TMEM51: variants seen among roughly 807,000 people sequenced by gnomAD.
TMEM51 encodes the protein chromosome 1 open reading frame 72.
Under a neutral mutation model 13.6 loss-of-function variants are expected in TMEM51, and 8 were observed. That is an observed-to-expected ratio of 0.59 (90% CI 0.35 to 1.07). The LOEUF (loss-of-function observed/expected upper bound fraction) is 1.07. Ranked by LOEUF, TMEM51 falls within the 50% of genes least tolerant of loss-of-function variation. The pLI, the probability that TMEM51 is intolerant of heterozygous loss-of-function variation, is 0.02. For synonymous variants in TMEM51, 147 were observed against 144.4 expected (o/e 1.02, Z -0.13); for missense variants, 279 against 330.7 (o/e 0.84, Z 1.21).
chr1:15,200,208 G>C (rs571657334), intron 1 of TMEM51, among the ~76,000 whole-genome samples: 1 of 151,920 alleles, frequency 6.6e-6, no homozygotes, highest in African/African-American at 2.4e-5. Context: ...CTGAGCCCAG[G>C]ATTTCAAGAC....
rs1249692417 is a variant in TMEM51, at chr1:15,207,846, C to T, written c.-266-2644C>T. 6.6e-6 allele frequency among the ~76,000 whole-genome samples: 1 copy of T among 152,194 alleles called. No homozygotes were observed. The highest frequency in any genetic ancestry group is 1.9e-4 in the East Asian group (1 of 5,204). Reference sequence around the variant, plus strand: ...TATTCTGCATATTTTCCTCATGTTGCCGGCAAATTATTTGCATACGGATAC... The same window carrying T: ...TATTCTGCATATTTTCCTCATGTTGTCGGCAAATTATTTGCATACGGATAC... On this transcript the variant is annotated intron_variant, in intron 1 of 3. Transcript: ENST00000376008. This position sits in a 1 kb window ranked among gnomAD's most constrained non-coding sequence, Gnocchi z 4.6.
chr1:15,179,462 G>T (rs1643546148), intron 1 of TMEM51, among the ~76,000 whole-genome samples: 1 of 152,164 alleles, frequency 6.6e-6, no homozygotes, highest in Non-Finnish European at 1.5e-5. Flanking sequence ...AAGGCAAACA[G>T]AAGAGCACTT....
intron 1 of TMEM51, among the ~76,000 whole-genome samples, chr1:15,162,444 T>C (rs953430591): frequency 1.3e-5 from 2 of 152,098 alleles, no homozygotes; most frequent in Non-Finnish European, 2.9e-5. Flanking sequence ...ATTACAGGCA[T>C]GGCCACCGCA....
intron 1 of TMEM51, among the ~76,000 whole-genome samples, chr1:15,158,862 A>G (rs1642675238): frequency 6.6e-6 from 1 of 152,216 alleles, no homozygotes; most frequent in South Asian, 2.1e-4. Flanking sequence ...CTGGATTTTT[A>G]AAAGTGAAGT....
At chr1:15,205,857 C>T (rs1025462835) in intron 1 of TMEM51, among the ~76,000 whole-genome samples, 1 of 152,128 alleles carries the variant, frequency 6.6e-6, no homozygotes, top group Non-Finnish European at 1.5e-5. Flanking sequence ...AAAAGTCTGT[C>T]TCATGTATCT....
rs571386384 is a variant in TMEM51 at position 15,204,382 on chromosome 1, C to T, written c.-266-6108C>T. Among the ~76,000 whole-genome samples the T allele has an allele frequency of 6.6e-5, 10 of 152,318 alleles. No homozygotes were observed. The East Asian group carries it at 1.9e-3, about 29-fold the overall frequency. On this transcript the variant is annotated intron_variant, in intron 1 of 3. Coordinates refer to ENST00000376008, the MANE Select transcript of TMEM51 (RefSeq NM_001136218.2). ...TAGCCTGGCCAGCGTGGTGAAACCT[C>T]GTCTCTACTAAAAATACAAAAATTA...
chr1:15,214,966 A>G lies in TMEM51; in HGVS notation c.-122A>G. ...GAACCATCCCGCAGGAGTTCAGCTG[A>G]TATTTTCTAGTGTGGGGCGAGAGAT... On this transcript the variant is annotated 5_prime_UTR_variant, in exon 3 of 4. Coordinates refer to ENST00000376008, the MANE Select transcript of TMEM51 (RefSeq NM_001136218.2). 1 of 968,948 alleles carries G rather than the reference A, an allele frequency of 1.0e-6. No homozygotes were observed. The highest frequency in any genetic ancestry group is 1.7e-5 in the South Asian group (1 of 59,048). The allele number at this position is 968,948 out of a possible 1,614,324, so 60.0% of individuals were successfully genotyped here. A position where few individuals can be genotyped will look rare whatever the true frequency, so the allele number is the denominator to read the frequency against.
At chr1:15,217,277 G>A (rs538924752) in intron 3 of TMEM51, among the ~76,000 whole-genome samples, 42 of 152,254 alleles carry the variant, frequency 2.8e-4, no homozygotes, top group African/African-American at 9.6e-4. Context: ...TAATGACCTG[G>A]AAGTTACCAT....
chr1:15,194,298 T>C (rs1644001312), intron 1 of TMEM51, among the ~76,000 whole-genome samples: 1 of 152,240 alleles, frequency 6.6e-6, no homozygotes, highest in African/African-American at 2.4e-5. Context: ...GAAATTAATA[T>C]AAAAATGTTA....
intron 1 of TMEM51, among the ~76,000 whole-genome samples, chr1:15,156,303 G>C (rs962692532): frequency 1.3e-5 from 2 of 152,126 alleles, no homozygotes; most frequent in African/African-American, 4.8e-5. Flanking sequence ...GGAGCTTCTG[G>C]GGCTCCCGTT....
At chr1:15,178,027 C>T (rs1643502107) in intron 1 of TMEM51, among the ~76,000 whole-genome samples, 1 of 152,222 alleles carries the variant, frequency 6.6e-6, no homozygotes, top group Non-Finnish European at 1.5e-5. Flanking sequence ...AAGGAAGTAA[C>T]ACAGCTGGGA....
At position 15,215,273 on chromosome 1, in the gene TMEM51, C is replaced by T. The variant is rs1644409935; in HGVS notation, c.186C>T (p.Thr62=). ...GTGGCGGCATCCTCAAGAGCAAGAC[C>T]TTCTCTGTGGCCTACGTGCTGGTCG... ...EVGGGILKSK[T]FSVAYVLVGA... Residue 62 remains threonine (T), a synonymous_variant, in exon 3 of 4, where the codon ACC becomes ACT. Coordinates refer to ENST00000376008, the MANE Select transcript of TMEM51 (RefSeq NM_001136218.2). The T allele has an allele frequency of 3.7e-6, 6 of 1,612,360 alleles. No homozygotes were observed. Among genetic ancestry groups the T allele is most frequent in the Non-Finnish European group, 2.5e-6 (3 of 1,178,426 alleles).
intron 2 of TMEM51, among the ~76,000 whole-genome samples, chr1:15,211,092 G>A (rs1164378768): frequency 6.6e-6 from 1 of 152,170 alleles, no homozygotes; most frequent in East Asian, 1.9e-4. Flanking sequence ...GTAAGAAAAA[G>A]AAAATGAAAA....
At chr1:15,192,470 T>TTTTTTTTTA (rs3078880) in intron 1 of TMEM51, 23 of 250,762 alleles carry the variant, frequency 9.2e-5, no homozygotes, top group Non-Finnish European at 1.3e-4. Context: ...CCTTTTTTTT[T>TTTTTTTTTA]ATGACAGAAT....
At position 15,219,877 on chromosome 1, in the gene TMEM51, G is replaced by C. The variant is rs3820062; in HGVS notation, c.*134G>C. ...TGGAGCCATTTGGATGGCGGCGGGC[G>C]GGGGGGGATTCTCTGTATCAGGAGT... On this transcript the variant is annotated 3_prime_UTR_variant, in exon 4 of 4. Transcript: ENST00000376008. The C allele has an allele frequency of 1.3e-4, 124 of 919,722 alleles. No homozygotes were observed. The highest frequency in any genetic ancestry group is 2.8e-4 in the African/African-American group (17 of 59,888). 57.0% of individuals were successfully genotyped at this position (919,722 alleles called of 1,614,324 possible).
rs530966999 is a variant in TMEM51 at position 15,195,533 on chromosome 1, C to T, written c.-266-14957C>T. 1.2e-4 allele frequency among the ~76,000 whole-genome samples: 19 copies of T among 152,200 alleles called. No individual in the cohort carries two copies. The South Asian group carries it at 3.3e-3, about 27-fold the overall frequency. On this transcript the variant is annotated intron_variant, in intron 1 of 3. Transcript: ENST00000376008. Reference sequence around the variant, plus strand: ...TTTGTTCCCATGAGTCCCCCACCCTCGTTCATCTTCTCTAGGCTACCTCAA... The same window carrying T: ...TTTGTTCCCATGAGTCCCCCACCCTTGTTCATCTTCTCTAGGCTACCTCAA...
intron 3 of TMEM51, among the ~76,000 whole-genome samples, chr1:15,218,945 G>T (rs1415485181): frequency 1.3e-5 from 2 of 152,186 alleles, no homozygotes; most frequent in Non-Finnish European, 2.9e-5. Flanking sequence ...CTATGAGTTA[G>T]CCCTGCTCCA....
intron 1 of TMEM51, among the ~76,000 whole-genome samples, chr1:15,182,204 A>AC (rs1557841722): frequency 2.2e-5 from 3 of 138,648 alleles, no homozygotes; most frequent in Admixed American, 7.1e-5. Flanking sequence ...AAATAAATAA[A>AC]TAACTGCACT....
intron 1 of TMEM51, chr1:15,164,605 C>G (rs1193470180): frequency 2.7e-6 from 1 of 376,070 alleles, no homozygotes; most frequent in African/African-American, 2.1e-5. Flanking sequence ...ACTACAGCCC[C>G]TTTTTGGAAG....
Sources: allele counts gnomAD v4.1 joint callset (sites outside exome capture counted in the v4.1 genomes callset), GRCh38; gene constraint gnomAD v4.1.1; non-coding constraint Gnocchi (gnomAD v3.1); transcripts MANE v1.5; gene names NCBI Gene and HGNC (gene_info 2026-07-23, HGNC 2026-07-21).